PCDH9: variants seen among roughly 807,000 people sequenced by gnomAD.
The protein encoded by PCDH9 is protocadherin 9, also known as protocadherin-9.
PCDH9 carries 24 observed loss-of-function variants against 70.6 expected under a neutral mutation model. That is an observed-to-expected ratio of 0.34 (90% CI 0.25 to 0.48). The LOEUF (loss-of-function observed/expected upper bound fraction) is 0.48, where lower values mean the gene tolerates loss of function less well. Ranked by LOEUF, PCDH9 falls within the 20% of genes least tolerant of loss-of-function variation. PCDH9 has a pLI of 0.99. For synonymous variants in PCDH9, 562 were observed against 558.5 expected (o/e 1.01, Z -0.09); for missense variants, 1,281 against 1,503.6 (o/e 0.85, Z 2.45).
Position 66,575,002 on chromosome 13 carries a change from G to T in PCDH9, c.3340+56208C>A, listed in dbSNP as rs554601564. The stretch of plus-strand genomic sequence containing the variant: ...AACCTGGCCAACATGGTGAAACCTC[G>T]TCTCTACTAAAAATACAAAAATTAC... On this transcript the variant is annotated intron_variant, in intron 4 of 4. Transcript: ENST00000377865. 4.0e-4 allele frequency among the ~76,000 whole-genome samples: 61 copies of T among 152,032 alleles called. No individual in the cohort carries two copies. The East Asian group carries it at 8.0e-3, about 20-fold the overall frequency.
At chr13:67,132,845 T>C (rs2087139493) in intron 2 of PCDH9, among the ~76,000 whole-genome samples, 1 of 152,076 alleles carries the variant, frequency 6.6e-6, no homozygotes. Flanking sequence ...TTCCCTTCCT[T>C]ACTTCTAGCT....
At chr13:66,870,135 A>G (rs2081648974) in intron 3 of PCDH9, among the ~76,000 whole-genome samples, 1 of 152,142 alleles carries the variant, frequency 6.6e-6, no homozygotes, top group African/African-American at 2.4e-5. Context: ...TCAGCTTCCT[A>G]CATATGGCTA....
At chr13:67,053,099 G>T (rs2085352739) in intron 2 of PCDH9, among the ~76,000 whole-genome samples, 1 of 151,886 alleles carries the variant, frequency 6.6e-6, no homozygotes, top group Non-Finnish European at 1.5e-5. Context: ...CAAGGTGGAT[G>T]AAATAAAGAT....
rs538954533 is a variant in PCDH9, at chr13:67,152,660, T to C, written c.3036+72745A>G. 2.6e-5 allele frequency among the ~76,000 whole-genome samples: 4 copies of C among 152,316 alleles called. No homozygotes were observed. In the East Asian group the frequency reaches 5.8e-4, roughly 22 times the overall value. Reference sequence around the variant, plus strand: ...TCAAAGGCGTGATGTCTCATCCTTATATTCTTTAAACAAAATAGCCCCCAC... The same window carrying C: ...TCAAAGGCGTGATGTCTCATCCTTACATTCTTTAAACAAAATAGCCCCCAC... On this transcript the variant is annotated intron_variant, in intron 2 of 4. Transcript: ENST00000377865.
intron 3 of PCDH9, among the ~76,000 whole-genome samples, chr13:66,765,579 C>G (rs1261086619): frequency 6.6e-6 from 1 of 151,968 alleles, no homozygotes; most frequent in Non-Finnish European, 1.5e-5. Context: ...TTATTCACAG[C>G]AATCAGCTCT....
intron 2 of PCDH9, among the ~76,000 whole-genome samples, chr13:67,025,279 T>C (rs1017358933): frequency 2.0e-5 from 3 of 152,130 alleles, no homozygotes; most frequent in Admixed American, 1.3e-4. Flanking sequence ...GTGGTACACT[T>C]CCTTATTAGA....
intron 4 of PCDH9, among the ~76,000 whole-genome samples, chr13:66,626,951 CTGTG>C (rs10559380): frequency 0.61 from 89,114 of 147,254 alleles, 26,895 homozygotes; most frequent in Admixed American, 0.66. Context: ...TCAAATGCCA[CTGTG>C]TGTGTGTGTG....
At chr13:66,845,091 T>G (rs1000359289) in intron 3 of PCDH9, among the ~76,000 whole-genome samples, 1 of 152,162 alleles carries the variant, frequency 6.6e-6, no homozygotes, top group Admixed American at 6.5e-5. Context: ...CACTCCAGTC[T>G]GCAGCCAGGC....
At chr13:66,795,752 C>T (rs2080230655) in intron 3 of PCDH9, among the ~76,000 whole-genome samples, 1 of 152,148 alleles carries the variant, frequency 6.6e-6, no homozygotes, top group Non-Finnish European at 1.5e-5. Flanking sequence ...CAATTTAAAG[C>T]AGCTCATTAC....
At chr13:67,005,508 T>G (rs1230987638) in intron 2 of PCDH9, among the ~76,000 whole-genome samples, 1 of 152,200 alleles carries the variant, frequency 6.6e-6, no homozygotes, top group Admixed American at 6.5e-5. Context: ...ACTCATACTT[T>G]AAAACGTTAG....
chr13:66,742,864 G>A (rs1162937516), intron 3 of PCDH9, among the ~76,000 whole-genome samples: 2 of 143,442 alleles, frequency 1.4e-5, no homozygotes, highest in Non-Finnish European at 3.1e-5. Context: ...GAGAGGATGT[G>A]GAGAAATAGG....
chr13:66,965,078 A>G (rs1217133875), intron 2 of PCDH9, among the ~76,000 whole-genome samples: 12 of 152,050 alleles, frequency 7.9e-5, no homozygotes. Flanking sequence ...ATATCCTTAC[A>G]TGAAGAAGAA....
intron 4 of PCDH9, among the ~76,000 whole-genome samples, chr13:66,522,853 T>C (rs1960058366): frequency 2.6e-5 from 4 of 152,080 alleles, no homozygotes; most frequent in Admixed American, 6.6e-5. Context: ...AAAAAATGTA[T>C]GCTTTTTGTT....
chr13:67,160,273 C>T (rs1310815211), intron 2 of PCDH9, among the ~76,000 whole-genome samples: 2 of 152,144 alleles, frequency 1.3e-5, no homozygotes, highest in Non-Finnish European at 2.9e-5. Context: ...TGGCCGGGTG[C>T]GGTGGCTCAC....
intron 3 of PCDH9, among the ~76,000 whole-genome samples, chr13:66,779,682 G>A (rs1288421363): frequency 6.6e-5 from 10 of 151,854 alleles, no homozygotes; most frequent in Middle Eastern, 3.4e-3. Flanking sequence ...TTAGCTGGGC[G>A]TAGTGGCATG....
chr13:66,306,260 A>C (rs895908713), intron 4 of PCDH9: 2 of 152,002 alleles, frequency 1.3e-5, no homozygotes, highest in Non-Finnish European at 2.9e-5. Context: ...CACAACTAAT[A>C]TTTTTAAACG....
intron 2 of PCDH9, among the ~76,000 whole-genome samples, chr13:67,104,341 A>G (rs547671907): frequency 2.0e-5 from 3 of 152,336 alleles, no homozygotes; most frequent in African/African-American, 7.2e-5. Flanking sequence ...AAGGGCTCTT[A>G]GACACGTGGA....
intron 4 of PCDH9, among the ~76,000 whole-genome samples, chr13:66,571,909 A>G (rs1241363813): frequency 6.6e-6 from 1 of 152,130 alleles, no homozygotes. Context: ...TTGATTACAT[A>G]TAAAAATCTA....
rs772687735 is a variant in PCDH9 at position 67,057,784 on chromosome 13, T to C, written c.3037-154179A>G. Among the ~76,000 whole-genome samples, 68 of 152,064 alleles carry C rather than the reference T, an allele frequency of 4.5e-4. 1 individual carries two copies. Among genetic ancestry groups the C allele is most frequent in the Non-Finnish European group, 1.0e-4 (7 of 68,006 alleles). On this transcript the variant is annotated intron_variant, in intron 2 of 4. Coordinates refer to ENST00000377865, the MANE Select transcript of PCDH9 (RefSeq NM_203487.3). The stretch of plus-strand genomic sequence containing the variant: ...CTTTTAAATTTGCTCTGATAATAAA[T>C]ACTATGACCATCAGAAAAACTCAGG...
Sources: allele counts gnomAD v4.1 joint callset (sites outside exome capture counted in the v4.1 genomes callset), GRCh38; gene constraint gnomAD v4.1.1; transcripts MANE v1.5; gene names NCBI Gene and HGNC (gene_info 2026-07-23, HGNC 2026-07-21).